RORA: variants seen among roughly 807,000 people sequenced by gnomAD.
RORA encodes the protein nuclear receptor ROR-alpha.
RORA carries 7 observed loss-of-function variants against 69.5 expected under a neutral mutation model. That is an observed-to-expected ratio of 0.10 (90% CI 0.06 to 0.19). The LOEUF is 0.19. RORA is among the 10% of genes least tolerant of loss of function. The pLI is 1.00. For missense variants in RORA, 457 were observed against 663.0 expected (o/e 0.69, Z 3.41); for synonymous variants, 261 against 240.8 (o/e 1.08, Z -0.78).
intron 1 of RORA, among the ~76,000 whole-genome samples, chr15:60,934,717 A>G (rs1595827140): frequency 6.6e-6 from 1 of 152,128 alleles, no homozygotes; most frequent in Non-Finnish European, 1.5e-5. Context: ...CACTTTGAGA[A>G]CCACTGTATT....
intron 1 of RORA, among the ~76,000 whole-genome samples, chr15:60,881,100 A>T (rs773885182): frequency 5.9e-5 from 9 of 152,218 alleles, no homozygotes; most frequent in South Asian, 4.1e-4. Flanking sequence ...CCTTTTCCAC[A>T]CTGAGTCTTA....
intron 3 of RORA, among the ~76,000 whole-genome samples, chr15:60,521,969 T>TA (rs930000108): frequency 1.9e-4 from 29 of 152,108 alleles, no homozygotes; most frequent in African/African-American, 6.3e-4. Context: ...ACTTTTTCTT[T>TA]AAAAAAAATG....
At chr15:60,992,091 G>C (rs1595865579) in intron 1 of RORA, among the ~76,000 whole-genome samples, 1 of 152,030 alleles carries the variant, frequency 6.6e-6, no homozygotes, top group Non-Finnish European at 1.5e-5. Context: ...TGAAAATGTT[G>C]TTAGTACTAT....
chr15:61,144,943 ATGTGT>A (rs1420877390), intron 1 of RORA, among the ~76,000 whole-genome samples: 1 of 152,166 alleles, frequency 6.6e-6, no homozygotes, highest in Non-Finnish European at 1.5e-5. Context: ...TTTATTCTGT[ATGTGT>A]TATTTTTAAA....
chr15:60,943,277 G>A (rs1892754981), intron 1 of RORA, among the ~76,000 whole-genome samples: 1 of 151,894 alleles, frequency 6.6e-6, no homozygotes, highest in Non-Finnish European at 1.5e-5. Flanking sequence ...TGTCAGGTTT[G>A]GGGTTTAACC....
In RORA at chr15:60,865,304, T is replaced by C. The variant is rs117193476; in HGVS notation, c.167-186618A>G. ...CAAATGGAGAAGTTGGTCTAGAAGA[T>C]CTCCAAGGTCCATTTCAGATCTAAC... On this transcript the variant is annotated intron_variant, in intron 1 of 10. Coordinates refer to ENST00000335670, the MANE Select transcript of RORA (RefSeq NM_134261.3). 2.9e-3 allele frequency among the ~76,000 whole-genome samples: 436 copies of C among 152,288 alleles called. 2 individuals carry two copies. In the East Asian group the frequency reaches 0.032, roughly 11 times the overall value.
intron 1 of RORA, among the ~76,000 whole-genome samples, chr15:60,878,986 G>C (rs906584457): frequency 6.6e-6 from 1 of 152,202 alleles, no homozygotes; most frequent in Non-Finnish European, 1.5e-5. Flanking sequence ...GCTTGTGCAG[G>C]TTTTGGGACA....
At chr15:60,946,325 C>G (rs113263131) in intron 1 of RORA, among the ~76,000 whole-genome samples, 9 of 152,210 alleles carry the variant, frequency 5.9e-5, no homozygotes, top group Admixed American at 5.9e-4. Flanking sequence ...CGAGCCGAAG[C>G]GGGACTGTAC....
intron 2 of RORA, among the ~76,000 whole-genome samples, chr15:60,638,866 T>A (rs1025182628): frequency 6.6e-6 from 1 of 152,222 alleles, no homozygotes; most frequent in Non-Finnish European, 1.5e-5. Flanking sequence ...ACTATTTTAC[T>A]GTCTTAAAGA....
At chr15:60,696,380 A>C (rs2070905866) in intron 1 of RORA, among the ~76,000 whole-genome samples, 1 of 152,180 alleles carries the variant, frequency 6.6e-6, no homozygotes, top group South Asian at 2.1e-4. Flanking sequence ...TACAGAAAAA[A>C]AAAAGACATT....
At chr15:61,050,526 C>A (rs1238641487) in intron 1 of RORA, among the ~76,000 whole-genome samples, 5 of 152,102 alleles carry the variant, frequency 3.3e-5, no homozygotes, top group Admixed American at 6.5e-5. Context: ...TCAGGGAGCT[C>A]CCAAGCTAGT....
Position 60,948,647 on chromosome 15 carries a change from G to C in RORA, c.167-269961C>G, listed in dbSNP as rs185399569. ...CTATTTTAAAGATGAAAAAACTGAG[G>C]CTTAGACAAGTTATGTGACTTGGTG... On this transcript the variant is annotated intron_variant, in intron 1 of 10. Coordinates refer to ENST00000335670, the MANE Select transcript of RORA (RefSeq NM_134261.3). Among the ~76,000 whole-genome samples, 458 of 152,272 alleles carry C rather than the reference G, an allele frequency of 3.0e-3. 5 individuals carry two copies. The highest frequency in any genetic ancestry group is 5.5e-3 in the Non-Finnish European group (372 of 68,026).
At chr15:61,022,689 T>C (rs66698157) in intron 1 of RORA, among the ~76,000 whole-genome samples, 1 of 152,136 alleles carries the variant, frequency 6.6e-6, no homozygotes, top group Non-Finnish European at 1.5e-5. Flanking sequence ...AGACACATTG[T>C]GGCAAAGAGT....
At chr15:60,833,369 C>T (rs982782288) in intron 1 of RORA, among the ~76,000 whole-genome samples, 1 of 152,104 alleles carries the variant, frequency 6.6e-6, no homozygotes, top group East Asian at 1.9e-4. Context: ...GCATGCACCA[C>T]CACGCCTGGC....
At chr15:60,687,962 G>A (rs2070771703) in intron 1 of RORA, among the ~76,000 whole-genome samples, 1 of 152,266 alleles carries the variant, frequency 6.6e-6, no homozygotes, top group South Asian at 2.1e-4. Flanking sequence ...TCACTAAAAG[G>A]AGAGGAAAAA....
At chr15:60,878,880 T>G (rs2073648534) in intron 1 of RORA, among the ~76,000 whole-genome samples, 1 of 152,232 alleles carries the variant, frequency 6.6e-6, no homozygotes, top group African/African-American at 2.4e-5. Flanking sequence ...CTACAATGTT[T>G]ATTTTAATTT....
At chr15:61,105,711 T>G (rs950319318) in intron 1 of RORA, among the ~76,000 whole-genome samples, 1 of 152,186 alleles carries the variant, frequency 6.6e-6, no homozygotes, top group African/African-American at 2.4e-5. Context: ...GAGTCCTAGG[T>G]TCAAATTCAT....
intron 1 of RORA, among the ~76,000 whole-genome samples, chr15:60,927,618 C>CA (rs1171837867): frequency 1.3e-5 from 2 of 151,946 alleles, no homozygotes; most frequent in Non-Finnish European, 2.9e-5. Flanking sequence ...ACTAAAAATA[C>CA]AAAAAATTAG....
intron 1 of RORA, among the ~76,000 whole-genome samples, chr15:60,945,784 G>A (rs533681270): frequency 2.6e-5 from 4 of 152,208 alleles, no homozygotes; most frequent in African/African-American, 9.6e-5. Context: ...ACCTGAAATC[G>A]AGAGGTCACT....
Sources: allele counts gnomAD v4.1 joint callset (sites outside exome capture counted in the v4.1 genomes callset), GRCh38; gene constraint gnomAD v4.1.1; transcripts MANE v1.5; gene names NCBI Gene and HGNC (gene_info 2026-07-23, HGNC 2026-07-21).